Variants in ZDHHC17 observed in about 807,000 individuals in gnomAD.
ZDHHC17 encodes the protein zDHHC palmitoyltransferase 17.
Under a neutral mutation model 90.3 loss-of-function variants are expected in ZDHHC17, and 40 were observed. That is an observed-to-expected ratio of 0.44 (90% CI 0.34 to 0.58). ZDHHC17 has a LOEUF of 0.58. Ranked by LOEUF, ZDHHC17 falls within the 20% of genes least tolerant of loss-of-function variation. The probability of loss-of-function intolerance (pLI) is 0.01; values close to 1 mark genes in which losing one functional copy is unlikely to be tolerated. For missense variants in ZDHHC17, 614 were observed against 780.8 expected, an observed-to-expected ratio of 0.79 and a Z score of 2.55; for synonymous variants, 235 against 252.4, an observed-to-expected ratio of 0.93 and a Z score of 0.65.
intron 1 of ZDHHC17, 158 bp downstream of exon 1, chr12:76,764,487 G>A (rs1413698288): frequency 7.4e-6 from 5 of 674,700 alleles, no homozygotes; most frequent in South Asian, 1.9e-5. Context: ...GGCTGCGAGC[G>A]GATAACGGGG....
At chr12:76,768,668 C>T in intron 1 of ZDHHC17, among the ~76,000 whole-genome samples, 1 of 152,168 alleles carries the variant, frequency 6.6e-6, no homozygotes, top group East Asian at 1.9e-4. Context: ...TGTTGGTCTA[C>T]TGGTCCAGCA....
chr12:76,840,602 A>G (rs970526680), intron 10 of ZDHHC17: 3 of 152,176 alleles, frequency 2.0e-5, no homozygotes, highest in African/African-American at 7.2e-5. Context: ...CGGCCTCCCA[A>G]AGTGCTGGGA....
At chr12:76,767,286 A>G (rs576450543) in intron 1 of ZDHHC17, among the ~76,000 whole-genome samples, 4 of 152,302 alleles carry the variant, frequency 2.6e-5, no homozygotes, top group Non-Finnish European at 5.9e-5. Flanking sequence ...TTTATCTTCC[A>G]ATTTAATACT....
chr12:76,845,720 G>A lies in ZDHHC17; in HGVS notation c.1341G>A (p.Pro447=), dbSNP rs369054073. 6.1e-5 allele frequency: 98 copies of A among 1,601,558 alleles called. No individual in the cohort carries two copies. The highest frequency in any genetic ancestry group is 1.7e-4 in the Middle Eastern group (1 of 6,034). Residue 447 remains proline, a synonymous_variant, in exon 13 of 17, where the codon CCG becomes CCA. Coordinates refer to ENST00000426126, the MANE Select transcript of ZDHHC17 (RefSeq NM_015336.4). The part of the protein sequence containing the change: ...IFCSTCLIRK[P]VRSKHCGVCN... ...ATGCCTATTAACAGATACGAAAACCGGTGAGGTCCAAACATTGTGGTGTGT... is the reference window on the plus strand; with the variant it reads ...ATGCCTATTAACAGATACGAAAACCAGTGAGGTCCAAACATTGTGGTGTGT...
chr12:76,819,967 TGG>T (rs1953141672), intron 7 of ZDHHC17, among the ~76,000 whole-genome samples: 1 of 143,900 alleles, frequency 6.9e-6, no homozygotes, highest in Non-Finnish European at 1.5e-5. Context: ...CACTCAAGCC[TGG>T]GCAACAAGAG....
intron 5 of ZDHHC17, 55 bp from the exon 6 acceptor site, chr12:76,815,091 T>C (rs1382563872): frequency 2.3e-6 from 3 of 1,326,428 alleles, no homozygotes; most frequent in Admixed American, 2.2e-5. Context: ...CCAAGCAAAT[T>C]TGGTTAGGAA....
chr12:76,774,259 A>T (rs1565757969), intron 1 of ZDHHC17, among the ~76,000 whole-genome samples: 1 of 84,842 alleles, frequency 1.2e-5, no homozygotes, highest in Non-Finnish European at 2.5e-5. Context: ...CAAAATAAAG[A>T]ATGTGTGTGT....
At chr12:76,798,030 G>C (rs1952843354) in intron 2 of ZDHHC17, among the ~76,000 whole-genome samples, 1 of 151,624 alleles carries the variant, frequency 6.6e-6, no homozygotes, top group Admixed American at 6.6e-5. Flanking sequence ...GTTTGCTTTT[G>C]GTACTTGCTG....
At chr12:76,795,977 G>A (rs1243170047) in intron 1 of ZDHHC17, among the ~76,000 whole-genome samples, 4 of 152,102 alleles carry the variant, frequency 2.6e-5, no homozygotes, top group Non-Finnish European at 4.4e-5. Context: ...GCATTTACTT[G>A]TTGAAAGATT....
Position 76,845,883 on chromosome 12 carries a change from C to T in ZDHHC17, c.1423+81C>T. ...GAATAAAGTATAATATTAAAGTAGG[C>T]AATAGAAAGTTTATTACTCCACGCT... On this transcript the variant is annotated intron_variant, in intron 13 of 16. Coordinates refer to ENST00000426126, the MANE Select transcript of ZDHHC17 (RefSeq NM_015336.4). 4 of 748,426 alleles carry T rather than the reference C, an allele frequency of 5.3e-6. No homozygotes were observed. The South Asian group carries it at 5.7e-5, about 11-fold the overall frequency. 46.4% of individuals were successfully genotyped at this position (748,426 alleles called of 1,614,324 possible). A position where few individuals can be genotyped will look rare whatever the true frequency, so the allele number is the denominator to read the frequency against.
intron 1 of ZDHHC17, among the ~76,000 whole-genome samples, chr12:76,767,058 C>A (rs1952439712): frequency 6.6e-6 from 1 of 151,444 alleles, no homozygotes; most frequent in Non-Finnish European, 1.5e-5. Flanking sequence ...AATGGAGATG[C>A]TGCCTAGTTT....
At chr12:76,785,685 T>C (rs1952676342) in intron 1 of ZDHHC17, among the ~76,000 whole-genome samples, 1 of 152,200 alleles carries the variant, frequency 6.6e-6, no homozygotes, top group Admixed American at 6.5e-5. Context: ...GTGAATTGAA[T>C]TGTGATTTCT....
At chr12:76,775,985 A>G (rs1487925575) in intron 1 of ZDHHC17, among the ~76,000 whole-genome samples, 1 of 152,130 alleles carries the variant, frequency 6.6e-6, no homozygotes, top group Non-Finnish European at 1.5e-5. Flanking sequence ...AATAGCCAGA[A>G]TCTTCCACCT....
At chr12:76,777,972 A>C (rs941324358) in intron 1 of ZDHHC17, among the ~76,000 whole-genome samples, 23 of 152,256 alleles carry the variant, frequency 1.5e-4, no homozygotes, top group African/African-American at 5.5e-4. Flanking sequence ...GGAAAAGGGG[A>C]TATCAGTGGG....
At chr12:76,832,954 G>A (rs1953322534) in intron 10 of ZDHHC17, among the ~76,000 whole-genome samples, 1 of 152,174 alleles carries the variant, frequency 6.6e-6, no homozygotes, top group Admixed American at 6.5e-5. Context: ...TCAGTGCCAT[G>A]AATATTGATT....
rs140758875 is a variant in ZDHHC17, at chr12:76,780,663, C to A, written c.93+16334C>A. On this transcript the variant is annotated intron_variant, in intron 1 of 16. Transcript: ENST00000426126. Reference sequence around the variant, plus strand: ...GTGCCCCACTTTCCAAGTAATGTGACCTCTATATTGTTAAATCCAATGATT... The same window carrying A: ...GTGCCCCACTTTCCAAGTAATGTGAACTCTATATTGTTAAATCCAATGATT... Among the ~76,000 whole-genome samples, 747 of 152,294 alleles carry A rather than the reference C, an allele frequency of 4.9e-3. 10 individuals are homozygous for A. The highest frequency in any genetic ancestry group is 0.034 in the East Asian group (177 of 5,184).
chr12:76,843,407 G>A (rs1303165449), intron 12 of ZDHHC17, among the ~76,000 whole-genome samples: 1 of 151,908 alleles, frequency 6.6e-6, no homozygotes, highest in East Asian at 1.9e-4. Context: ...CTCTAAACAA[G>A]TTCAATTTGA....
At chr12:76,835,467 G>A (rs1953352370) in intron 10 of ZDHHC17, among the ~76,000 whole-genome samples, 1 of 151,966 alleles carries the variant, frequency 6.6e-6, no homozygotes, top group Admixed American at 6.6e-5. Context: ...AATTTCTTAT[G>A]TAGAAGTTTA....
chr12:76,779,899 T>C (rs1343848154), intron 1 of ZDHHC17, among the ~76,000 whole-genome samples: 1 of 152,062 alleles, frequency 6.6e-6, no homozygotes, highest in East Asian at 1.9e-4. Flanking sequence ...CCTATAGATA[T>C]CCAACTGCTG....
Sources: gnomAD v4.1 joint callset for allele counts (sites outside exome capture counted in the v4.1 genomes callset) on GRCh38, gnomAD v4.1.1 for gene constraint, MANE v1.5 for transcripts, NCBI Gene and HGNC (gene_info 2026-07-23, HGNC 2026-07-21) for gene names.